Variants in ZSWIM6 observed in about 807,000 individuals in gnomAD.
The protein encoded by ZSWIM6 is zinc finger SWIM-type containing 6, also known as zinc finger SWIM domain-containing protein 6.
A neutral mutation model predicts 113.2 loss-of-function variants in ZSWIM6; 9 were observed. That is an observed-to-expected ratio of 0.08 (90% confidence interval 0.05 to 0.14). The LOEUF (loss-of-function observed/expected upper bound fraction) is 0.14. Among genes scored for constraint, ZSWIM6 ranks in the 10% least tolerant of loss-of-function variants. The pLI, the probability that ZSWIM6 is intolerant of heterozygous loss-of-function variation, is 1.00. For missense variants in ZSWIM6, 1,162 were observed against 1,552.2 expected (o/e 0.75, Z 4.22); for synonymous variants, 611 against 606.5 (o/e 1.01, Z -0.11).
chr5:61,390,787 G>C, intron 1 of ZSWIM6: 1 of 790,818 alleles, frequency 1.3e-6, no homozygotes, highest in East Asian at 2.4e-5. Flanking sequence ...ATGAACTTAA[G>C]GTCAATCTTC....
intron 1 of ZSWIM6, among the ~76,000 whole-genome samples, chr5:61,435,234 A>G (rs1746680782): frequency 1.3e-5 from 2 of 152,252 alleles, no homozygotes; most frequent in Non-Finnish European, 2.9e-5. Flanking sequence ...TATTTTAAGT[A>G]TATATTTAAA....
intron 1 of ZSWIM6, among the ~76,000 whole-genome samples, chr5:61,348,057 T>C (rs1744700425): frequency 6.6e-6 from 1 of 151,686 alleles, no homozygotes; most frequent in Non-Finnish European, 1.5e-5. Flanking sequence ...CTGTCTCTAC[T>C]AAAAACACAA....
At chr5:61,462,702 T>A (rs1747345728) in intron 1 of ZSWIM6, among the ~76,000 whole-genome samples, 1 of 152,226 alleles carries the variant, frequency 6.6e-6, no homozygotes, top group African/African-American at 2.4e-5. Flanking sequence ...TCTATTACAA[T>A]AATGATGATG....
intron 1 of ZSWIM6, among the ~76,000 whole-genome samples, chr5:61,377,991 T>G (rs2112076608): frequency 6.6e-6 from 1 of 152,314 alleles, no homozygotes; most frequent in African/African-American, 2.4e-5. Flanking sequence ...ATTACATTGA[T>G]GAAAATAAAA....
At chr5:61,517,561 G>A (rs1368346480) in intron 4 of ZSWIM6, among the ~76,000 whole-genome samples, 7 of 151,946 alleles carry the variant, frequency 4.6e-5, no homozygotes, top group African/African-American at 1.7e-4. Flanking sequence ...CATAATTACA[G>A]TAGTTGGTAT....
At chr5:61,521,021 ACT>A (rs1337675958) in intron 4 of ZSWIM6, among the ~76,000 whole-genome samples, 1 of 151,652 alleles carries the variant, frequency 6.6e-6, no homozygotes, top group Non-Finnish European at 1.5e-5. Flanking sequence ...CTTTCAATAA[ACT>A]CTCTGTGGGA....
chr5:61,348,566 G>T (rs191363874), intron 1 of ZSWIM6, among the ~76,000 whole-genome samples: 31 of 152,212 alleles, frequency 2.0e-4, no homozygotes, highest in Admixed American at 5.9e-4. Context: ...TCGTTTCAGG[G>T]ATTTATTGGC....
intron 1 of ZSWIM6, among the ~76,000 whole-genome samples, chr5:61,423,731 C>T (rs1746402860): frequency 6.6e-6 from 1 of 152,142 alleles, no homozygotes; most frequent in South Asian, 2.1e-4. Context: ...ATTGTACAAG[C>T]CAGTGAGCCT....
rs986925614 is a variant in ZSWIM6 at position 61,343,754 on chromosome 5, A to G, written c.676+10806A>G. On this transcript the variant is annotated intron_variant, in intron 1 of 13. Coordinates refer to ENST00000252744, the MANE Select transcript of ZSWIM6 (RefSeq NM_020928.2). ...ACTTGTCATAAAATAAGATTCTAAA[A>G]CCCAAATATCATGTTTGTAATCTAG... 2.0e-5 allele frequency among the ~76,000 whole-genome samples: 3 copies of G among 152,176 alleles called. No homozygotes were observed. The East Asian group carries it at 5.8e-4, about 29-fold the overall frequency.
intron 1 of ZSWIM6, among the ~76,000 whole-genome samples, chr5:61,364,551 T>C (rs1293938319): frequency 6.6e-6 from 1 of 152,262 alleles, no homozygotes; most frequent in Admixed American, 6.5e-5. Flanking sequence ...CATTAGTTTA[T>C]GTCTTAGTCC....
Position 61,543,577 on chromosome 5 carries a change from T to G in ZSWIM6, c.2908T>G (p.Cys970Gly). ...CACCATCGTCCGCCTCCACCTGGAC[T>G]GCCACCAGCAGGAAAAGCTGGCCAG... ...NSTIVRLHLD[C>G]HQQEKLASSA... Residue 970 changes from cysteine to glycine, a missense_variant, in exon 14 of 14, where the codon TGC becomes GGC. Physicochemically the swap from Cys to Gly is radical, Grantham distance 159. Around this residue, in one of 4 missense-constraint regions of ZSWIM6, gnomAD observed 620 missense variants for 804.6 expected, o/e 0.77. Coordinates refer to ENST00000252744, the MANE Select transcript of ZSWIM6 (RefSeq NM_020928.2). The surrounding 1 kb of genome is among the most constrained non-coding windows in gnomAD (Gnocchi z 4.3). 1 of 1,551,722 alleles carries G rather than the reference T, an allele frequency of 6.4e-7. No individual in the cohort carries two copies. Among genetic ancestry groups the G allele is most frequent in the East Asian group, 2.4e-5 (1 of 40,904 alleles).
At chr5:61,419,187 T>C (rs989566665) in intron 1 of ZSWIM6, among the ~76,000 whole-genome samples, 3 of 152,266 alleles carry the variant, frequency 2.0e-5, no homozygotes, top group Non-Finnish European at 4.4e-5. Context: ...AGGAAAGCCA[T>C]TGTGGCCTAT....
intron 1 of ZSWIM6, among the ~76,000 whole-genome samples, chr5:61,392,784 G>T (rs1745750805): frequency 6.6e-6 from 1 of 151,522 alleles, no homozygotes; most frequent in African/African-American, 2.4e-5. Context: ...TGCTAATTTT[G>T]TATTTTTAGT....
At chr5:61,343,505 AG>A (rs1744591029) in intron 1 of ZSWIM6, among the ~76,000 whole-genome samples, 1 of 152,208 alleles carries the variant, frequency 6.6e-6, no homozygotes, top group Non-Finnish European at 1.5e-5. Context: ...TGTATACGCC[AG>A]GTTGTATGTG....
chr5:61,535,013 CT>C (rs568907402), intron 9 of ZSWIM6, among the ~76,000 whole-genome samples: 188 of 152,270 alleles, frequency 1.2e-3, no homozygotes, highest in African/African-American at 4.3e-3. Flanking sequence ...CCTCTCACCC[CT>C]GATACAGAGC....
chr5:61,488,992 A>G (rs1748104739), intron 2 of ZSWIM6, among the ~76,000 whole-genome samples: 1 of 152,004 alleles, frequency 6.6e-6, no homozygotes, highest in African/African-American at 2.4e-5. Flanking sequence ...CTCTCAGGGA[A>G]AAAAACTAAG....
chr5:61,531,341 T>C, intron 8 of ZSWIM6, 124 bp from the exon 9 acceptor site: 1 of 1,183,068 alleles, frequency 8.5e-7, no homozygotes. Context: ...AAACATGTTT[T>C]CTGGCTTTCT....
chr5:61,490,890 G>A lies in ZSWIM6; in HGVS notation c.1138G>A (p.Gly380Arg), dbSNP rs1337629732. The A allele has an allele frequency of 5.8e-6, 9 of 1,538,982 alleles. No individual in the cohort carries two copies. The highest frequency in any genetic ancestry group is 2.5e-5 in the South Asian group (2 of 81,212). The part of the protein sequence containing the change: ...EQVKLFLSQG[G>R]YHGSGKQLNL... ...GGTTAAACTGTTCCTTTCCCAGGGC[G>A]GGTACCACGGATCAGGGAAGCAGCT... Residue 380 changes from glycine (G) to arginine (R), a missense_variant, in exon 3 of 14, where the codon GGG becomes AGG. Gly to Arg is a moderately radical substitution (Grantham distance 125, BLOSUM62 -2). This residue lies in a region of ZSWIM6 where 96 missense variants were observed against 240.3 expected (regional missense o/e 0.40). Coordinates refer to ENST00000252744, the MANE Select transcript of ZSWIM6 (RefSeq NM_020928.2).
chr5:61,403,208 A>G (rs538152052), intron 1 of ZSWIM6, among the ~76,000 whole-genome samples: 69 of 152,310 alleles, frequency 4.5e-4, no homozygotes, highest in African/African-American at 1.4e-3. Flanking sequence ...CTATCTTGAA[A>G]CCATCAGCAG....
Sources: allele counts gnomAD v4.1 joint callset (sites outside exome capture counted in the v4.1 genomes callset), GRCh38; gene constraint gnomAD v4.1.1; regional missense constraint gnomAD v4.1.1; non-coding constraint Gnocchi (gnomAD v3.1); transcripts MANE v1.5; gene names NCBI Gene and HGNC (gene_info 2026-07-23, HGNC 2026-07-21).